The following PNKD variants were observed in gnomAD, a reference collection of about 807,000 sequenced individuals.
The protein encoded by PNKD is probable thioesterase PNKD.
Under a neutral mutation model 45.3 loss-of-function variants are expected in PNKD, and 36 were observed. The observed-to-expected ratio is 0.80, with a 90% CI of 0.61 to 1.05. The LOEUF is 1.05. Ranked by LOEUF, PNKD falls within the 50% of genes least tolerant of loss-of-function variation. PNKD has a pLI of 0.00. For missense variants in PNKD, 511 were observed against 506.6 expected, an observed-to-expected ratio of 1.01 and a Z score of -0.08; for synonymous variants, 197 against 210.1, an observed-to-expected ratio of 0.94 and a Z score of 0.54.
rs10675061 is a variant in PNKD at position 218,289,625 on chromosome 2, GAAAAAA to G, written c.236+18092_236+18097del. On this transcript the variant is annotated intron_variant, in intron 2 of 9. Coordinates refer to ENST00000273077, the MANE Select transcript of PNKD (RefSeq NM_015488.5). ...CCACTGCACTCCAGCCTGGGCGACAGAAAAAAAAAAAAAAAAAAAAACTGAAAGATC... is the reference window on the plus strand; with the variant it reads ...CCACTGCACTCCAGCCTGGGCGACAGAAAAAAAAAAAAAAACTGAAAGATC... 1.3e-4 allele frequency among the ~76,000 whole-genome samples: 11 copies of G among 87,768 alleles called. No individual in the cohort carries two copies. In the East Asian group the frequency reaches 2.1e-3, roughly 17 times the overall value. The allele number at this position is 87,768 out of a possible 152,430, so 57.6% of individuals were successfully genotyped here. A position where few individuals can be genotyped will look rare whatever the true frequency, so the allele number is the denominator to read the frequency against.
rs1186775611 is a variant in PNKD, at chr2:218,345,508, C to T, written c.*527C>T. The stretch of plus-strand genomic sequence containing the variant: ...GTCCTGAGACTCTGCCCTCTTCCCA[C>T]AGCCTCCCTGCCCCACCCATCCCTG... On this transcript the variant is annotated 3_prime_UTR_variant, in exon 10 of 10. Transcript: ENST00000273077. 2 of 154,318 alleles carry T rather than the reference C, an allele frequency of 1.3e-5. No individual in the cohort carries two copies. Among genetic ancestry groups the T allele is most frequent in the Non-Finnish European group, 2.9e-5 (2 of 69,458 alleles). 9.6% of individuals were successfully genotyped at this position (154,318 alleles called of 1,614,324 possible).
intron 2 of PNKD, among the ~76,000 whole-genome samples, chr2:218,325,400 G>A (rs1056883699): frequency 2.0e-5 from 3 of 150,304 alleles, no homozygotes; most frequent in Admixed American, 2.0e-4. Flanking sequence ...TAGAGATGGG[G>A]TTTCATCATG....
At chr2:218,296,512 C>A (rs1559514425) in intron 2 of PNKD, among the ~76,000 whole-genome samples, 2 of 152,120 alleles carry the variant, frequency 1.3e-5, no homozygotes, top group South Asian at 2.1e-4. Context: ...ATCCAGAGAA[C>A]TTTCTCTGTT....
In PNKD at chr2:218,310,592, CT is replaced by C. The variant is rs58558174; in HGVS notation, c.237-29174del. ...GTCCCATGAGATTATTGCTTTATTG[CT>C]TTTTTTTTTTTTTTTTGAGGTGGAG... On this transcript the variant is annotated intron_variant, in intron 2 of 9. Transcript: ENST00000273077. Among the ~76,000 whole-genome samples, 1,119 of 115,724 alleles carry C rather than the reference CT, an allele frequency of 9.7e-3. 13 individuals carry two copies. The highest frequency in any genetic ancestry group is 0.033 in the African/African-American group (960 of 29,024). The allele number at this position is 115,724 out of a possible 152,430, so 75.9% of individuals were successfully genotyped here.
At chr2:218,315,012 TTTTCTTTC>T (rs1693739490) in intron 2 of PNKD, among the ~76,000 whole-genome samples, 1 of 4,052 alleles carries the variant, frequency 2.5e-4, no homozygotes, top group African/African-American at 8.0e-4. Context: ...CTTTCTTTCT[TTTTCTTTC>T]TTTCTTTCTT....
chr2:218,345,169 G>A lies in PNKD; in HGVS notation c.*188G>A. On this transcript the variant is annotated 3_prime_UTR_variant, in exon 10 of 10. Coordinates refer to ENST00000273077, the MANE Select transcript of PNKD (RefSeq NM_015488.5). Reference sequence around the variant, plus strand: ...CTGTGAGGCCAAAAGAAGGGGGCCTGTTGGAGGCTGGGAACCCCGCAGCGC... The same window carrying A: ...CTGTGAGGCCAAAAGAAGGGGGCCTATTGGAGGCTGGGAACCCCGCAGCGC... The A allele has an allele frequency of 3.3e-6, 2 of 604,130 alleles. No individual in the cohort carries two copies. Among genetic ancestry groups the A allele is most frequent in the South Asian group, 4.2e-5 (2 of 47,990 alleles). The allele number at this position is 604,130 out of a possible 1,614,324, so 37.4% of individuals were successfully genotyped here.
intron 2 of PNKD, chr2:218,278,409 G>GT (rs1691484075): frequency 8.5e-7 from 1 of 1,182,776 alleles, no homozygotes; most frequent in Non-Finnish European, 1.3e-6. Flanking sequence ...CTCATTTCTT[G>GT]TAAGTTTCCA....
intron 8 of PNKD, 51 bp from the exon 9 acceptor site, chr2:218,344,404 G>A: frequency 7.5e-7 from 1 of 1,333,350 alleles, no homozygotes; most frequent in Non-Finnish European, 1.1e-6. Context: ...TGTTCTGACT[G>A]TACCACCAAT....
At chr2:218,331,621 T>C (rs7567403) in intron 2 of PNKD, among the ~76,000 whole-genome samples, 80,597 of 151,692 alleles carry the variant, frequency 0.53, 21,840 homozygotes, top group African/African-American at 0.64. Flanking sequence ...GCTTGCACCA[T>C]CATGCCCGGC....
chr2:218,309,570 C>T (rs1693537579), intron 2 of PNKD, among the ~76,000 whole-genome samples: 1 of 152,084 alleles, frequency 6.6e-6, no homozygotes, highest in Admixed American at 6.6e-5. Context: ...CACCCAGCCT[C>T]CAGTTTATGG....
At chr2:218,343,374 A>G in intron 7 of PNKD, 126 bp from the exon 8 acceptor site, 3 of 799,324 alleles carry the variant, frequency 3.8e-6, no homozygotes, top group Non-Finnish European at 6.5e-6. Flanking sequence ...GTGGGTCTGG[A>G]AAGTGCACAG....
At chr2:218,283,921 C>T (rs535721867) in intron 2 of PNKD, 9 of 152,320 alleles carry the variant, frequency 5.9e-5, no homozygotes, top group African/African-American at 2.2e-4. Context: ...AATCCCAGCA[C>T]TTTAGAAGAC....
intron 2 of PNKD, among the ~76,000 whole-genome samples, chr2:218,296,564 TC>T (rs1250299793): frequency 1.3e-5 from 2 of 152,182 alleles, no homozygotes; most frequent in African/African-American, 4.8e-5. Flanking sequence ...TAATTGGTCC[TC>T]CAAACCCTTC....
chr2:218,293,619 T>A (rs1693055066), intron 2 of PNKD, among the ~76,000 whole-genome samples: 1 of 129,440 alleles, frequency 7.7e-6, no homozygotes, highest in Admixed American at 9.4e-5. Flanking sequence ...AGGGTCTCGC[T>A]CTGTCACCCA....
chr2:218,293,093 A>C (rs1047886746), intron 2 of PNKD, among the ~76,000 whole-genome samples: 1 of 152,232 alleles, frequency 6.6e-6, no homozygotes, highest in Non-Finnish European at 1.5e-5. Flanking sequence ...GCACTTTTCG[A>C]GTTTAAAACT....
At chr2:218,301,350 C>A (rs952428470) in intron 2 of PNKD, among the ~76,000 whole-genome samples, 5 of 152,112 alleles carry the variant, frequency 3.3e-5, no homozygotes, top group African/African-American at 1.2e-4. Flanking sequence ...TAGCCCAGGG[C>A]CTGCACTCAG....
intron 8 of PNKD, among the ~76,000 whole-genome samples, chr2:218,344,163 T>C (rs1223971131): frequency 6.6e-6 from 1 of 152,180 alleles, no homozygotes; most frequent in African/African-American, 2.4e-5. Context: ...AGAGGGGCCA[T>C]GACTAGACCG....
intron 2 of PNKD, chr2:218,323,186 C>T: frequency 1.4e-6 from 2 of 1,382,230 alleles, no homozygotes; most frequent in African/African-American, 1.5e-5. Flanking sequence ...AGCCGGCAGG[C>T]AGGTTCCCCG....
In PNKD at chr2:218,346,051, C is replaced by G. The variant is rs1296606932; in HGVS notation, c.*1070C>G. On this transcript the variant is annotated 3_prime_UTR_variant, in exon 10 of 10. Transcript: ENST00000273077. Reference sequence around the variant, plus strand: ...CCCATCCGGCTGGCAGGAGGGGGCTCTGACGTGCAGGTTGGAAATCAGAAG... The same window carrying G: ...CCCATCCGGCTGGCAGGAGGGGGCTGTGACGTGCAGGTTGGAAATCAGAAG... 6.6e-6 allele frequency: 1 copy of G among 152,372 alleles called. No individual in the cohort carries two copies. The highest frequency in any genetic ancestry group is 1.5e-5 in the Non-Finnish European group (1 of 68,062). The allele number at this position is 152,372 out of a possible 1,614,324, so 9.4% of individuals were successfully genotyped here. A position where few individuals can be genotyped will look rare whatever the true frequency, so the allele number is the denominator to read the frequency against.
Sources: gnomAD v4.1 joint callset for allele counts (sites outside exome capture counted in the v4.1 genomes callset) on GRCh38, gnomAD v4.1.1 for gene constraint, MANE v1.5 for transcripts, NCBI Gene and HGNC (gene_info 2026-07-23, HGNC 2026-07-21) for gene names.